Variants in DTNA observed in about 807,000 individuals in gnomAD.
DTNA encodes dystrophin-related protein 3.
A neutral mutation model predicts 100.7 loss-of-function variants in DTNA; 43 were observed. That is an observed-to-expected ratio of 0.43 (90% CI 0.33 to 0.55). DTNA has a LOEUF of 0.55. Among genes scored for constraint, DTNA ranks in the 20% least tolerant of loss-of-function variants. The pLI is 0.04. For missense variants in DTNA, 798 were observed against 953.9 expected, an observed-to-expected ratio of 0.84 and a Z score of 2.15; for synonymous variants, 349 against 347.9, an observed-to-expected ratio of 1.00 and a Z score of -0.04.
chr18:34,555,755 C>A (rs2045963935), intron 1 of DTNA, among the ~76,000 whole-genome samples: 1 of 152,018 alleles, frequency 6.6e-6, no homozygotes, highest in African/African-American at 2.4e-5. Flanking sequence ...TTGTTATTAT[C>A]TCTGTTCTTT....
chr18:34,692,093 T>C (rs2079854054), intron 1 of DTNA, among the ~76,000 whole-genome samples: 1 of 152,222 alleles, frequency 6.6e-6, no homozygotes, highest in Non-Finnish European at 1.5e-5. Flanking sequence ...AAATGCCAAG[T>C]CTCCTCCTCT....
intron 2 of DTNA, among the ~76,000 whole-genome samples, chr18:34,759,061 T>C: frequency 6.6e-6 from 1 of 152,198 alleles, no homozygotes; most frequent in East Asian, 1.9e-4. Context: ...ACCACCTACT[T>C]TGATTTAAGA....
chr18:34,818,503 C>T, intron 8 of DTNA, 173 bp downstream of exon 8: 3 of 1,505,612 alleles, frequency 2.0e-6, no homozygotes, highest in South Asian at 1.3e-5. Context: ...CTTACTTATT[C>T]TGTTGGAACC....
At chr18:34,761,635 A>G (rs955779121) in intron 2 of DTNA, among the ~76,000 whole-genome samples, 1 of 152,240 alleles carries the variant, frequency 6.6e-6, no homozygotes, top group African/African-American at 2.4e-5. Flanking sequence ...CCTATTTATT[A>G]CTTCCTTCCA....
At chr18:34,873,939 G>C (rs2096790074) in intron 17 of DTNA, among the ~76,000 whole-genome samples, 1 of 152,208 alleles carries the variant, frequency 6.6e-6, no homozygotes, top group African/African-American at 2.4e-5. Context: ...ACAAGGTACT[G>C]TTGAGAGTGA....
In DTNA at chr18:34,781,067, C is replaced by T. The variant is rs1483951111; in HGVS notation, c.149-12970C>T. Among the ~76,000 whole-genome samples, 5 of 152,132 alleles carry T rather than the reference C, an allele frequency of 3.3e-5. 1 individual carries two copies. The highest frequency in any genetic ancestry group is 2.1e-4 in the South Asian group (1 of 4,832). ...AAAGAGGCTGAGGCCAGCCATTGTC[C>T]GGTTGCAGCTGCATCAACCTGGTTA... On this transcript the variant is annotated intron_variant, in intron 3 of 22. Transcript: ENST00000444659.
upstream of DTNA, among the ~76,000 whole-genome samples, chr18:34,705,355 A>G (rs183192005): frequency 5.6e-4 from 86 of 152,322 alleles, 1 homozygote; most frequent in East Asian, 9.2e-3. Context: ...AGTAACTACC[A>G]TTCCTGACTT....
intron 17 of DTNA, chr18:34,866,663 C>A (rs1261690101): frequency 3.0e-6 from 3 of 1,004,254 alleles, no homozygotes; most frequent in Non-Finnish European, 3.6e-6. Flanking sequence ...AATTATTGAG[C>A]CTTGTTCCCC....
chr18:34,573,618 T>G (rs558378008), intron 1 of DTNA, among the ~76,000 whole-genome samples: 1 of 152,232 alleles, frequency 6.6e-6, no homozygotes, highest in African/African-American at 2.4e-5. Context: ...ATGTACAACA[T>G]GATGCGTTGC....
chr18:34,717,027 A>C (rs1257852082), intron 1 of DTNA, among the ~76,000 whole-genome samples: 1 of 152,210 alleles, frequency 6.6e-6, no homozygotes, highest in Non-Finnish European at 1.5e-5. Flanking sequence ...TTCTGCTCAT[A>C]TAAGGATGGG....
chr18:34,883,861 A>G (rs188684146), intron 21 of DTNA, among the ~76,000 whole-genome samples: 95 of 152,356 alleles, frequency 6.2e-4, no homozygotes, highest in African/African-American at 2.1e-3. Context: ...TTCAGAAGCA[A>G]CTAAAATGTT....
chr18:34,558,738 A>G (rs977038535), intron 1 of DTNA, among the ~76,000 whole-genome samples: 14 of 152,162 alleles, frequency 9.2e-5, no homozygotes, highest in African/African-American at 2.7e-4. Context: ...TGAAATTGAG[A>G]GCCAGCCCAA....
chr18:34,838,890 C>A, intron 13 of DTNA, 53 bp downstream of exon 13: 1 of 1,528,874 alleles, frequency 6.5e-7, no homozygotes, highest in Non-Finnish European at 9.1e-7. Context: ...ACAGTCTGAG[C>A]TGGTGACAAG....
intron 3 of DTNA, among the ~76,000 whole-genome samples, chr18:34,780,768 G>A (rs2148800117): frequency 6.6e-6 from 1 of 152,262 alleles, no homozygotes; most frequent in African/African-American, 2.4e-5. Context: ...AACTTGCATG[G>A]AAGCAGCTCA....
intron 3 of DTNA, among the ~76,000 whole-genome samples, chr18:34,793,508 C>G (rs1480439): frequency 0.83 from 125,447 of 152,000 alleles, 52,646 homozygotes; most frequent in East Asian, 0.99. Context: ...CTTTTTTTTT[C>G]TTGTTTCCAA....
intron 3 of DTNA, among the ~76,000 whole-genome samples, chr18:34,771,274 C>T (rs898225938): frequency 3.9e-5 from 6 of 152,048 alleles, no homozygotes; most frequent in African/African-American, 9.6e-5. Flanking sequence ...CCGAGGCGGG[C>T]GGATCACAAG....
intron 1 of DTNA, among the ~76,000 whole-genome samples, chr18:34,671,747 CT>C (rs899560602): frequency 1.3e-5 from 2 of 151,908 alleles, no homozygotes; most frequent in African/African-American, 4.8e-5. Flanking sequence ...TCCTTTCTTC[CT>C]TTATTTCTTC....
At chr18:34,661,790 A>G (rs1301640848) in intron 1 of DTNA, among the ~76,000 whole-genome samples, 2 of 152,156 alleles carry the variant, frequency 1.3e-5, no homozygotes, top group African/African-American at 4.8e-5. Context: ...GAGATCATGG[A>G]GGGAAATTAA....
intron 1 of DTNA, among the ~76,000 whole-genome samples, chr18:34,754,250 C>A (rs1400982820): frequency 3.3e-5 from 5 of 151,998 alleles, no homozygotes; most frequent in African/African-American, 1.2e-4. Flanking sequence ...TAATTTTACC[C>A]TCAGGTGAGT....
Sources: allele counts gnomAD v4.1 joint callset (sites outside exome capture counted in the v4.1 genomes callset), GRCh38; gene constraint gnomAD v4.1.1; transcripts MANE v1.5; gene names NCBI Gene and HGNC (gene_info 2026-07-23, HGNC 2026-07-21).